The following SUGCT variants were observed in gnomAD, a reference collection of about 807,000 sequenced individuals.
The protein encoded by SUGCT is succinyl-CoA:glutarate CoA-transferase.
A neutral mutation model predicts 55.0 loss-of-function variants in SUGCT; 41 were observed. The observed-to-expected ratio is 0.74, with a 90% CI of 0.58 to 0.97. The LOEUF is 0.97. Ranked by LOEUF, SUGCT falls within the 50% of genes least tolerant of loss-of-function variation. The pLI, the probability that SUGCT is intolerant of heterozygous loss-of-function variation, is 0.00. For missense variants in SUGCT, 568 were observed against 547.8 expected (o/e 1.04, Z -0.37); for synonymous variants, 187 against 200.4 (o/e 0.93, Z 0.56).
chr7:40,603,131 T>C (rs745843480), intron 12 of SUGCT, among the ~76,000 whole-genome samples: 8 of 152,224 alleles, frequency 5.3e-5, no homozygotes, highest in Non-Finnish European at 8.8e-5. Context: ...TTTAAGAATA[T>C]GTAACCTCTA....
At chr7:40,987,281 G>T in the SUGCT span, among the ~76,000 whole-genome samples, 14 of 152,150 alleles carry the variant, frequency 9.2e-5, no homozygotes, top group Non-Finnish European at 2.1e-4. Flanking sequence ...ATGACGAGGG[G>T]ACTGCAATCC....
the SUGCT span, among the ~76,000 whole-genome samples, chr7:40,955,041 C>A: frequency 1.3e-5 from 2 of 152,192 alleles, no homozygotes; most frequent in South Asian, 2.1e-4. Flanking sequence ...GTTACTGTAG[C>A]CTTGTAGTAT....
intron 12 of SUGCT, among the ~76,000 whole-genome samples, chr7:40,718,666 G>T (rs1351838903): frequency 6.6e-6 from 1 of 152,130 alleles, no homozygotes; most frequent in Non-Finnish European, 1.5e-5. Flanking sequence ...ATTACTACCA[G>T]CAGTTTGGAG....
intron 13 of SUGCT, among the ~76,000 whole-genome samples, chr7:40,824,047 C>T (rs1792174052): frequency 6.6e-6 from 1 of 151,984 alleles, no homozygotes; most frequent in Non-Finnish European, 1.5e-5. Flanking sequence ...TAGATTAATG[C>T]AACAATTTAG....
intron 5 of SUGCT, among the ~76,000 whole-genome samples, chr7:40,192,128 A>T (rs1337235387): frequency 6.6e-6 from 1 of 151,642 alleles, no homozygotes. Flanking sequence ...AAAAAAAAAA[A>T]AGGATTAGCA....
At chr7:40,859,605 T>C (rs188638209) in intron 13 of SUGCT, among the ~76,000 whole-genome samples, 32 of 152,336 alleles carry the variant, frequency 2.1e-4, no homozygotes, top group Non-Finnish European at 1.5e-5. Context: ...TAGCATGGGT[T>C]AGGGAATGCT....
chr7:40,871,323 G>A, the SUGCT span, among the ~76,000 whole-genome samples: 1 of 152,144 alleles, frequency 6.6e-6, no homozygotes, highest in Non-Finnish European at 1.5e-5. Flanking sequence ...CTACATGTCT[G>A]AACATCATCC....
intron 9 of SUGCT, among the ~76,000 whole-genome samples, chr7:40,327,376 C>T (rs895370748): frequency 6.6e-5 from 10 of 152,146 alleles, no homozygotes; most frequent in Non-Finnish European, 1.0e-4. Context: ...GTGCCAGCTG[C>T]GGCATAATAG....
intron 13 of SUGCT, among the ~76,000 whole-genome samples, chr7:40,832,757 C>T (rs1370364749): frequency 6.6e-6 from 1 of 151,550 alleles, no homozygotes; most frequent in African/African-American, 2.4e-5. Flanking sequence ...TCACTGCAAG[C>T]TCCGCCTCCC....
intron 12 of SUGCT, among the ~76,000 whole-genome samples, chr7:40,563,062 A>G (rs1373233670): frequency 2.6e-5 from 4 of 152,114 alleles, no homozygotes; most frequent in Non-Finnish European, 4.4e-5. Context: ...TCCTCCGCCC[A>G]AGTAACGGTG....
At chr7:40,800,089 A>G (rs941883857) in intron 13 of SUGCT, among the ~76,000 whole-genome samples, 2 of 152,104 alleles carry the variant, frequency 1.3e-5, no homozygotes, top group Non-Finnish European at 2.9e-5. Flanking sequence ...ATTGTCATCA[A>G]TGTGTAAAGA....
At chr7:40,686,931 CAT>C (rs1413445806) in intron 12 of SUGCT, among the ~76,000 whole-genome samples, 2 of 152,086 alleles carry the variant, frequency 1.3e-5, no homozygotes, top group Non-Finnish European at 2.9e-5. Flanking sequence ...AGCCGATGCT[CAT>C]GTTTTCAGTG....
intron 9 of SUGCT, among the ~76,000 whole-genome samples, chr7:40,396,155 A>G (rs951190703): frequency 6.6e-6 from 1 of 152,186 alleles, no homozygotes; most frequent in Non-Finnish European, 1.5e-5. Context: ...GAGGTTCAGA[A>G]AGTGAATTAT....
intron 7 of SUGCT, among the ~76,000 whole-genome samples, chr7:40,239,717 CTT>C (rs1789248438): frequency 6.6e-6 from 1 of 152,200 alleles, no homozygotes; most frequent in Non-Finnish European, 1.5e-5. Flanking sequence ...GCTTTTATCT[CTT>C]GTGTTACCCT....
chr7:40,783,192 C>T (rs933556961), intron 13 of SUGCT, among the ~76,000 whole-genome samples: 2 of 152,090 alleles, frequency 1.3e-5, no homozygotes, highest in Non-Finnish European at 2.9e-5. Flanking sequence ...AAAAGCTTGC[C>T]CTGTGGAGAC....
the SUGCT span, among the ~76,000 whole-genome samples, chr7:40,971,137 G>GC: frequency 1.2e-4 from 19 of 152,254 alleles, 1 homozygote; most frequent in Admixed American, 1.2e-3. Flanking sequence ...GCCTCAGGGA[G>GC]CTTTCACTGA....
chr7:40,563,203 C>G (rs1315286081), intron 12 of SUGCT, among the ~76,000 whole-genome samples: 1 of 152,136 alleles, frequency 6.6e-6, no homozygotes, highest in Non-Finnish European at 1.5e-5. Context: ...CTGCGACTTC[C>G]AGTTATTCTG....
At chr7:40,492,309 T>C (rs1791730259) in intron 11 of SUGCT, among the ~76,000 whole-genome samples, 1 of 152,146 alleles carries the variant, frequency 6.6e-6, no homozygotes. Flanking sequence ...GTTTTTGTTA[T>C]TGATAATAAT....
At chr7:40,147,295 C>A (rs1325575981) in intron 1 of SUGCT, among the ~76,000 whole-genome samples, 1 of 152,134 alleles carries the variant, frequency 6.6e-6, no homozygotes, top group Admixed American at 6.5e-5. Context: ...ATGGGGATTT[C>A]TTACCTCTTT....
Sources: allele counts gnomAD v4.1 joint callset (sites outside exome capture counted in the v4.1 genomes callset), GRCh38; gene constraint gnomAD v4.1.1; transcripts MANE v1.5; gene names NCBI Gene and HGNC (gene_info 2026-07-23, HGNC 2026-07-21).